The following FGD3 variants were observed in gnomAD, a reference collection of about 807,000 sequenced individuals.
FGD3 encodes the protein FYVE, RhoGEF and PH domain containing 3.
In FGD3, 45 loss-of-function variants were observed where a neutral mutation model predicts 71.8. The observed-to-expected ratio is 0.63, with a 90% CI of 0.49 to 0.80. The LOEUF (loss-of-function observed/expected upper bound fraction) is 0.80. Ranked by LOEUF, FGD3 falls within the 30% of genes least tolerant of loss-of-function variation. FGD3 has a pLI of 0.00. For missense variants in FGD3, 844 were observed against 951.5 expected (o/e 0.89, Z 1.49); for synonymous variants, 378 against 392.8 (o/e 0.96, Z 0.44).
intron 10 of FGD3, 24 bp from the exon 11 acceptor site, chr9:93,018,112 T>C: frequency 6.2e-7 from 1 of 1,611,558 alleles, no homozygotes; most frequent in Non-Finnish European, 8.5e-7. Flanking sequence ...GGGTTTGCTT[T>C]GTTCTTTGTT....
At chr9:92,957,520 C>T (rs181244687) in intron 1 of FGD3, among the ~76,000 whole-genome samples, 30 of 151,768 alleles carry the variant, frequency 2.0e-4, no homozygotes, top group Non-Finnish European at 4.4e-5. Flanking sequence ...AGTATATGTT[C>T]CAGTTTTTTT....
intron 14 of FGD3, among the ~76,000 whole-genome samples, chr9:93,029,141 C>T (rs563685334): frequency 6.6e-6 from 1 of 151,478 alleles, no homozygotes; most frequent in South Asian, 2.1e-4. Context: ...AAGCAATTCT[C>T]CTGCCTCAGC....
rs1305403900 is a variant in FGD3, at chr9:93,032,851, C to T, written c.1763C>T (p.Pro588Leu). ...RVCRDCFLTQ[P>L]VAPESTEKTP... The stretch of plus-strand genomic sequence containing the variant: ...TGCAGAGATTGTTTCCTGACACAGC[C>T]AGTGGCCCCTGAGAGCACAGAGGTG... Residue 588 changes from proline to leucine, a missense_variant, in exon 16 of 18, where the codon CCA becomes CTA. Pro to Leu is a moderately conservative substitution (Grantham distance 98). Transcript: ENST00000375482. 1.2e-6 allele frequency: 2 copies of T among 1,614,054 alleles called. No homozygotes were observed. Among genetic ancestry groups the T allele is most frequent in the African/African-American group, 2.7e-5 (2 of 74,926 alleles).
chr9:93,019,948 T>G, intron 12 of FGD3, 87 bp downstream of exon 12: 1,819 of 1,233,392 alleles, frequency 1.5e-3, no homozygotes, highest in Non-Finnish European at 2.0e-3. Flanking sequence ...GTGGGGGCCC[T>G]GGCCTCCGGG....
At position 93,003,992 on chromosome 9, in the gene FGD3, T is replaced by C. The variant is rs1325051649; in HGVS notation, c.544-9T>C. The C allele has an allele frequency of 1.2e-6, 2 of 1,613,910 alleles. No homozygotes were observed. The highest frequency in any genetic ancestry group is 1.1e-5 in the South Asian group (1 of 91,086). On this transcript the variant is annotated splice_polypyrimidine_tract_variant and intron_variant, in intron 4 of 17. Coordinates refer to ENST00000375482, the MANE Select transcript of FGD3 (RefSeq NM_001083536.2). This position sits in a 1 kb window ranked among gnomAD's most constrained non-coding sequence, Gnocchi z 4.1. ...CTCACTGGCCACACGTGGGCTTCTC[T>C]ATGCTCAGGTTTTCTGCACCAGGCT...
intron 1 of FGD3, among the ~76,000 whole-genome samples, chr9:92,955,413 G>A (rs1490271628): frequency 6.6e-6 from 1 of 152,090 alleles, no homozygotes; most frequent in Non-Finnish European, 1.5e-5. Flanking sequence ...GTGCATGCCT[G>A]TAATCCCAGC....
Position 93,011,205 on chromosome 9 carries a change from T to C in FGD3, c.977-9T>C. The C allele has an allele frequency of 6.2e-7, 1 of 1,614,118 alleles. No individual in the cohort carries two copies. ...TGGCCCCAGGCTGAACACAGTCTTC[T>C]TCCTGCAGGGTCCTTGGAGCTCATC... On this transcript the variant is annotated splice_polypyrimidine_tract_variant and intron_variant, in intron 7 of 17. Transcript: ENST00000375482.
intron 9 of FGD3, among the ~76,000 whole-genome samples, chr9:93,014,237 T>C (rs1205748331): frequency 6.6e-6 from 1 of 151,318 alleles, no homozygotes; most frequent in Non-Finnish European, 1.5e-5. Context: ...GCTGCAAATA[T>C]CTCATTTTTT....
chr9:92,975,924 G>C (rs1171164994), intron 2 of FGD3, among the ~76,000 whole-genome samples: 2 of 152,176 alleles, frequency 1.3e-5, no homozygotes, highest in Non-Finnish European at 2.9e-5. Flanking sequence ...TGAATTTATT[G>C]AACAGCAGAT....
At position 93,026,788 on chromosome 9, in the gene FGD3, C is replaced by T. The variant is rs533280865; in HGVS notation, c.1558-3086C>T. On this transcript the variant is annotated intron_variant, in intron 14 of 17. Transcript: ENST00000375482. ...TCTTTGCTCCTTCAGCCCCTGCTGC[C>T]CCCTGCCCCATGGGCACGCCCTGTG... Among the ~76,000 whole-genome samples, 84 of 152,368 alleles carry T rather than the reference C, an allele frequency of 5.5e-4. 1 individual carries two copies. Among genetic ancestry groups the T allele is most frequent in the African/African-American group, 1.7e-3 (72 of 41,590 alleles).
intron 5 of FGD3, among the ~76,000 whole-genome samples, chr9:93,005,440 A>C (rs753953975): frequency 6.6e-6 from 1 of 152,136 alleles, no homozygotes; most frequent in Non-Finnish European, 1.5e-5. Context: ...CTTTAAATTA[A>C]ATGTATAAGT....
intron 1 of FGD3, among the ~76,000 whole-genome samples, chr9:92,954,727 G>A (rs141936585): frequency 8.1e-4 from 124 of 152,274 alleles, no homozygotes; most frequent in Admixed American, 1.6e-3. Context: ...CATTGAATGG[G>A]ACTCTTACTT....
At chr9:93,015,686 G>T in intron 9 of FGD3, 51 bp from the exon 10 acceptor site, 5 of 1,499,528 alleles carry the variant, frequency 3.3e-6, no homozygotes, top group Non-Finnish European at 1.9e-6. Flanking sequence ...GGGGCCCCTG[G>T]GGGGACCTGC....
At chr9:92,948,215 C>G (rs923477521) in intron 1 of FGD3, among the ~76,000 whole-genome samples, 2 of 151,986 alleles carry the variant, frequency 1.3e-5, no homozygotes, top group African/African-American at 4.8e-5. Flanking sequence ...GACCCCATGT[C>G]GGATGCTGAG....
chr9:92,989,411 C>A (rs183182554), intron 3 of FGD3, among the ~76,000 whole-genome samples: 3 of 152,346 alleles, frequency 2.0e-5, no homozygotes, highest in African/African-American at 4.8e-5. Flanking sequence ...CAGGCGTGAG[C>A]CACCGCACCT....
chr9:92,996,773 G>A (rs1427597602), intron 3 of FGD3, among the ~76,000 whole-genome samples: 1 of 152,212 alleles, frequency 6.6e-6, no homozygotes, highest in South Asian at 2.1e-4. Context: ...CAGTTTCCAT[G>A]TAGTTGAGCG....
At chr9:93,020,723 G>A in intron 13 of FGD3, 1 of 332,854 alleles carries the variant, frequency 3.0e-6, no homozygotes, top group Non-Finnish European at 5.7e-6. Context: ...GAGGATTTAT[G>A]GACAGAAAAA....
intron 3 of FGD3, among the ~76,000 whole-genome samples, chr9:92,995,358 C>T (rs1311093879): frequency 6.6e-6 from 1 of 152,156 alleles, no homozygotes; most frequent in Non-Finnish European, 1.5e-5. Context: ...TGCTTATCAG[C>T]TTAAGGAGAT....
rs749740094 is a variant in FGD3 at position 93,011,197 on chromosome 9, C to T, written c.977-17C>T. 6 of 1,613,946 alleles carry T rather than the reference C, an allele frequency of 3.7e-6. No homozygotes were observed. The South Asian group carries it at 5.5e-5, about 15-fold the overall frequency. The stretch of plus-strand genomic sequence containing the variant: ...AGCCACCGTGGCCCCAGGCTGAACA[C>T]AGTCTTCTTCCTGCAGGGTCCTTGG... On this transcript the variant is annotated splice_polypyrimidine_tract_variant and intron_variant, in intron 7 of 17. Coordinates refer to ENST00000375482, the MANE Select transcript of FGD3 (RefSeq NM_001083536.2).
Sources: allele counts gnomAD v4.1 joint callset (sites outside exome capture counted in the v4.1 genomes callset), GRCh38; gene constraint gnomAD v4.1.1; non-coding constraint Gnocchi (gnomAD v3.1); transcripts MANE v1.5; gene names NCBI Gene and HGNC (gene_info 2026-07-23, HGNC 2026-07-21).